ZDHHC8: variants seen among roughly 807,000 people sequenced by gnomAD.
ZDHHC8 encodes the protein zDHHC palmitoyltransferase 8, also known as palmitoyltransferase ZDHHC8.
A neutral mutation model predicts 61.2 loss-of-function variants in ZDHHC8; 24 were observed. The ratio of observed to expected loss-of-function variants is 0.39; its 90% confidence interval spans 0.28 to 0.55. The LOEUF (loss-of-function observed/expected upper bound fraction) is 0.55, where lower values mean the gene tolerates loss of function less well. Ranked by LOEUF, ZDHHC8 falls within the 20% of genes least tolerant of loss-of-function variation. The pLI is 0.60. For synonymous variants in ZDHHC8, 523 were observed against 492.5 expected (o/e 1.06, Z -0.82); for missense variants, 935 against 1,102.1 (o/e 0.85, Z 2.15).
In ZDHHC8 at chr22:20,147,320, G is replaced by T. The variant is rs2050537305; in HGVS notation, c.*1920G>T. Reference sequence around the variant, plus strand: ...CTGCAGTGGACCCTGGGGCAGGGCTGGGGGTGGGCTGGGCTCTCTGCTCCA... The same window carrying T: ...CTGCAGTGGACCCTGGGGCAGGGCTTGGGGTGGGCTGGGCTCTCTGCTCCA... On this transcript the variant is annotated 3_prime_UTR_variant, in exon 11 of 11. Coordinates refer to ENST00000334554, the MANE Select transcript of ZDHHC8 (RefSeq NM_013373.4). 1 of 1,297,888 alleles carries T rather than the reference G, an allele frequency of 7.7e-7. No homozygotes were observed. The highest frequency in any genetic ancestry group is 3.7e-5 in the Admixed American group (1 of 26,920). The allele number at this position is 1,297,888 out of a possible 1,614,324, so 80.4% of individuals were successfully genotyped here.
intron 10 of ZDHHC8, among the ~76,000 whole-genome samples, chr22:20,144,934 T>C (rs1391637892): frequency 6.6e-6 from 1 of 152,046 alleles, no homozygotes; most frequent in Non-Finnish European, 1.5e-5. Flanking sequence ...TGCCCCATGC[T>C]CTCTGTGGCC....
rs1391946002 is a variant in ZDHHC8, at chr22:20,146,082, G to T, written c.*682G>T. The T allele has an allele frequency of 2.0e-6, 2 of 985,844 alleles. No homozygotes were observed. Among genetic ancestry groups the T allele is most frequent in the African/African-American group, 3.5e-5 (2 of 57,356 alleles). The allele number at this position is 985,844 out of a possible 1,614,324, so 61.1% of individuals were successfully genotyped here. On this transcript the variant is annotated 3_prime_UTR_variant, in exon 11 of 11. Transcript: ENST00000334554. ...TGTCTGATGTGTCAGTGCTCCGGCC[G>T]CCGCTGTCCCTTTCATCAAAGCCTT...
Position 20,145,454 on chromosome 22 carries a change from G to T in ZDHHC8, c.*54G>T. On this transcript the variant is annotated 3_prime_UTR_variant, in exon 11 of 11. Transcript: ENST00000334554. ...GCCACGGGGACCAGGACCCCACAGC[G>T]CACCCCCCCTCCCCACCAACTTCTC... 7.3e-7 allele frequency: 1 copy of T among 1,361,526 alleles called. No individual in the cohort carries two copies. Among genetic ancestry groups the T allele is most frequent in the Non-Finnish European group, 9.5e-7 (1 of 1,054,918 alleles). The allele number at this position is 1,361,526 out of a possible 1,614,324, so 84.3% of individuals were successfully genotyped here.
At chr22:20,137,300 C>T (rs1456019357) in intron 1 of ZDHHC8, among the ~76,000 whole-genome samples, 1 of 152,236 alleles carries the variant, frequency 6.6e-6, no homozygotes, top group East Asian at 1.9e-4. Flanking sequence ...TGGCAGGGAG[C>T]TCAAGTCAGC....
intron 1 of ZDHHC8, 120 bp from the exon 2 acceptor site, chr22:20,139,074 C>T: frequency 7.0e-7 from 1 of 1,429,318 alleles, no homozygotes; most frequent in Non-Finnish European, 9.4e-7. Context: ...GGCAGCCTCC[C>T]CACTGCCTCT....
rs1222827770 is a variant in ZDHHC8, at chr22:20,146,421, A to G, written c.*1021A>G. 1 of 983,906 alleles carries G rather than the reference A, an allele frequency of 1.0e-6. No homozygotes were observed. The highest frequency in any genetic ancestry group is 1.2e-6 in the Non-Finnish European group (1 of 828,612). The allele number at this position is 983,906 out of a possible 1,614,324, so 60.9% of individuals were successfully genotyped here. A position where few individuals can be genotyped will look rare whatever the true frequency, so the allele number is the denominator to read the frequency against. ...TATGTTTTTATATCTACATCTATAT[A>G]TCTATAATTTTATTAAAAAAAAGAA... On this transcript the variant is annotated 3_prime_UTR_variant, in exon 11 of 11. Transcript: ENST00000334554.
At chr22:20,140,021 G>A in intron 4 of ZDHHC8, 94 bp from the exon 5 acceptor site, 3 of 1,590,670 alleles carry the variant, frequency 1.9e-6, no homozygotes, top group Non-Finnish European at 2.6e-6. Context: ...GCCGTCCCTA[G>A]GTTGGGAGGA....
intron 1 of ZDHHC8, among the ~76,000 whole-genome samples, chr22:20,133,958 G>C (rs560091648): frequency 4.5e-4 from 68 of 152,298 alleles, no homozygotes; most frequent in African/African-American, 1.6e-3. Context: ...ACCTGACCCA[G>C]CCCTAGGCAT....
At position 20,147,498 on chromosome 22, in the gene ZDHHC8, T is replaced by C; in HGVS notation, c.*2098T>C. ...GGACCGGCACGACCTTTGCCCAGCC[T>C]CCCTACCCAACCAAGCACTTTAGAC... On this transcript the variant is annotated 3_prime_UTR_variant, in exon 11 of 11. Transcript: ENST00000334554. 1 of 198,298 alleles carries C rather than the reference T, an allele frequency of 5.0e-6. No individual in the cohort carries two copies. Among genetic ancestry groups the C allele is most frequent in the Non-Finnish European group, 9.7e-6 (1 of 102,664 alleles). 12.3% of individuals were successfully genotyped at this position (198,298 alleles called of 1,614,324 possible). A position where few individuals can be genotyped will look rare whatever the true frequency, so the allele number is the denominator to read the frequency against.
chr22:20,143,509 TC>T lies in ZDHHC8; in HGVS notation c.1880del (p.Ser627TyrfsTer9), dbSNP rs2050494153. The stretch of plus-strand genomic sequence containing the variant: ...CGCCCGCAACCCTGCCCTGCAGACG[TC>T]ACTGTCCTCGCTGTCCAGCTCCGTG... Reference protein sequence around the residue: ...GGARNPALQTSLSSLSSSVSR... With the variant: ...GGARNPALQTXLSSLSSSVSR... On this transcript the variant is annotated frameshift_variant, in exon 10 of 11. Coordinates refer to ENST00000334554, the MANE Select transcript of ZDHHC8 (RefSeq NM_013373.4). LOFTEE classifies it high-confidence loss of function. 1 of 1,600,388 alleles carries T rather than the reference TC, an allele frequency of 6.2e-7. No homozygotes were observed. The highest frequency in any genetic ancestry group is 1.3e-5 in the African/African-American group (1 of 74,876).
Position 20,142,870 on chromosome 22 carries a change from T to G in ZDHHC8, c.1240T>G (p.Tyr414Asp). The change falls in exon 10 of 11, where the codon TAC becomes GAC. Residue 414 changes from tyrosine to aspartate, a missense_variant. Coordinates refer to ENST00000334554, the MANE Select transcript of ZDHHC8 (RefSeq NM_013373.4). ...TGGGCCAGGGGGCCTGCATGCAGCC[T>G]ACCCGCCATCCCCACCGCTCAGCGC... ...DYGPGGLHAA[Y>D]PPSPPLSASD... 6.2e-7 allele frequency: 1 copy of G among 1,612,150 alleles called. No homozygotes were observed. The highest frequency in any genetic ancestry group is 8.5e-7 in the Non-Finnish European group (1 of 1,179,786).
Position 20,141,465 on chromosome 22 carries a change from A to T in ZDHHC8, c.1060A>T (p.Met354Leu), listed in dbSNP as rs2050470130. 1.2e-6 allele frequency: 2 copies of T among 1,613,208 alleles called. No homozygotes were observed. The highest frequency in any genetic ancestry group is 1.7e-6 in the Non-Finnish European group (2 of 1,179,922). ...GAGGACCAGCCCCCCGACACCTGCC[A>T]TGTACAAGTTTAGGCCGGCTTTCCC... is the stretch of plus-strand genomic sequence containing the variant. ...VQRTSPPTPA[M>L]YKFRPAFPTG... The change falls in exon 9 of 11, where the codon ATG (methionine) becomes TTG (leucine). Residue 354 changes from methionine to leucine, a missense_variant. Physicochemically the swap from Met to Leu is conservative, Grantham distance 15 (BLOSUM62 2). Around this residue, in one of 3 missense-constraint regions of ZDHHC8, gnomAD observed 692 missense variants for 731.4 expected, o/e 0.95. Transcript: ENST00000334554.
chr22:20,140,367 C>G, intron 5 of ZDHHC8, 150 bp downstream of exon 5: 1 of 859,808 alleles, frequency 1.2e-6, no homozygotes, highest in South Asian at 1.7e-5. Flanking sequence ...CCACGTGGGG[C>G]TACGCCTGCC....
intron 1 of ZDHHC8, among the ~76,000 whole-genome samples, chr22:20,137,123 A>G (rs1267387035): frequency 1.3e-5 from 2 of 152,336 alleles, no homozygotes; most frequent in East Asian, 3.9e-4. Flanking sequence ...ATTAGGGCCC[A>G]TATGGGCCCT....
At position 20,131,867 on chromosome 22, in the gene ZDHHC8, C is replaced by T; in HGVS notation, c.-81C>T. On this transcript the variant is annotated 5_prime_UTR_variant, in exon 1 of 11. Coordinates refer to ENST00000334554, the MANE Select transcript of ZDHHC8 (RefSeq NM_013373.4). The stretch of plus-strand genomic sequence containing the variant: ...CCGCGGGTCCTGCGCCGCGTCCAGC[C>T]CGCCCGCCCGACCCCGGCCCGACCC... 1 of 324,166 alleles carries T rather than the reference C, an allele frequency of 3.1e-6. No homozygotes were observed. Among genetic ancestry groups the T allele is most frequent in the Non-Finnish European group, 4.4e-6 (1 of 227,656 alleles). The allele number at this position is 324,166 out of a possible 1,614,324, so 20.1% of individuals were successfully genotyped here. A position where few individuals can be genotyped will look rare whatever the true frequency, so the allele number is the denominator to read the frequency against.
At chr22:20,139,991 G>C in intron 4 of ZDHHC8, 99 bp downstream of exon 4, 1 of 1,590,258 alleles carries the variant, frequency 6.3e-7, no homozygotes, top group African/African-American at 1.3e-5. Flanking sequence ...TCCTGCCCAG[G>C]GATCCCCAGT....
intron 4 of ZDHHC8, 86 bp from the exon 5 acceptor site, chr22:20,140,029 G>A: frequency 6.3e-7 from 1 of 1,592,846 alleles, no homozygotes; most frequent in Non-Finnish European, 8.6e-7. Flanking sequence ...TAGGTTGGGA[G>A]GAGGTTTGTC....
In ZDHHC8 at chr22:20,146,285, C is replaced by T. The variant is rs776529221; in HGVS notation, c.*885C>T. The stretch of plus-strand genomic sequence containing the variant: ...TGCCACGTCCGCAGCCCCGGCCTGG[C>T]TGCGGTGCTCGCGCCGTGGGAAAGC... On this transcript the variant is annotated 3_prime_UTR_variant, in exon 11 of 11. Coordinates refer to ENST00000334554, the MANE Select transcript of ZDHHC8 (RefSeq NM_013373.4). The T allele has an allele frequency of 5.9e-5, 58 of 985,482 alleles. No homozygotes were observed. The highest frequency in any genetic ancestry group is 1.0e-3 in the Middle Eastern group (2 of 1,936). The allele number at this position is 985,482 out of a possible 1,614,324, so 61.0% of individuals were successfully genotyped here. A position where few individuals can be genotyped will look rare whatever the true frequency, so the allele number is the denominator to read the frequency against.
chr22:20,141,810 C>T (rs2050473676), intron 9 of ZDHHC8, among the ~76,000 whole-genome samples: 1 of 152,246 alleles, frequency 6.6e-6, no homozygotes, highest in Admixed American at 6.5e-5. Flanking sequence ...GGCTTGGCGT[C>T]TGTCCCTTGG....
Sources: gnomAD v4.1 joint callset for allele counts (sites outside exome capture counted in the v4.1 genomes callset) on GRCh38, gnomAD v4.1.1 for gene constraint, gnomAD v4.1.1 regional missense constraint, MANE v1.5 for transcripts, NCBI Gene and HGNC (gene_info 2026-07-23, HGNC 2026-07-21) for gene names.